NEDD4: variants seen among roughly 807,000 people sequenced by gnomAD.
The protein encoded by NEDD4 is NEDD4 E3 ubiquitin protein ligase.
Under a neutral mutation model 144.9 loss-of-function variants are expected in NEDD4, and 99 were observed. That is an observed-to-expected ratio of 0.68 (90% CI 0.58 to 0.81). NEDD4 has a LOEUF of 0.81. Among genes scored for constraint, NEDD4 ranks in the 30% least tolerant of loss-of-function variants. The pLI is 0.00. For synonymous variants in NEDD4, 318 were observed against 350.6 expected (o/e 0.91, Z 1.04); for missense variants, 985 against 1,065.9 (o/e 0.92, Z 1.06).
At chr15:55,888,184 G>A (rs1157787640) in intron 5 of NEDD4, among the ~76,000 whole-genome samples, 1 of 152,148 alleles carries the variant, frequency 6.6e-6, no homozygotes, top group African/African-American at 2.4e-5. Flanking sequence ...TGGAAAGGAA[G>A]AAGTCACATT....
At chr15:55,919,673 C>T (rs1402853391) in intron 5 of NEDD4, among the ~76,000 whole-genome samples, 1 of 152,142 alleles carries the variant, frequency 6.6e-6, no homozygotes, top group African/African-American at 2.4e-5. Flanking sequence ...TGGAAAGAAT[C>T]CATGCAAGTC....
intron 5 of NEDD4, chr15:55,915,811 T>C (rs1402710682): frequency 6.2e-7 from 1 of 1,613,812 alleles, no homozygotes; most frequent in Non-Finnish European, 8.5e-7. Context: ...AGCGGCCGTA[T>C]GTCTCTTACT....
At chr15:55,845,195 AT>A (rs1443927713) in intron 18 of NEDD4, among the ~76,000 whole-genome samples, 2 of 151,994 alleles carry the variant, frequency 1.3e-5, no homozygotes, top group Non-Finnish European at 2.9e-5. Flanking sequence ...TTATATGTTT[AT>A]CCCCTTACAT....
intron 9 of NEDD4, 45 bp downstream of exon 9, chr15:55,862,864 GTAGT>G (rs749967991): frequency 5.4e-6 from 8 of 1,485,092 alleles, no homozygotes; most frequent in African/African-American, 2.8e-5. Flanking sequence ...ATGAAAATTC[GTAGT>G]TAAAGTGTTT....
chr15:55,842,406 T>A (rs1392995914), intron 18 of NEDD4, among the ~76,000 whole-genome samples: 1 of 152,152 alleles, frequency 6.6e-6, no homozygotes, highest in Non-Finnish European at 1.5e-5. Context: ...GAAGCTTTTG[T>A]TTTTGGAGAC....
chr15:55,973,484 A>C (rs2037646565), intron 1 of NEDD4, among the ~76,000 whole-genome samples: 1 of 152,200 alleles, frequency 6.6e-6, no homozygotes, highest in Non-Finnish European at 1.5e-5. Context: ...GGCTGCAAGG[A>C]GCCATGACTG....
At chr15:55,939,736 A>AT (rs1185473036) in intron 4 of NEDD4, among the ~76,000 whole-genome samples, 1 of 152,170 alleles carries the variant, frequency 6.6e-6, no homozygotes, top group African/African-American at 2.4e-5. Flanking sequence ...ATCCCTGCAC[A>AT]TGTTGGTAGC....
In NEDD4 at chr15:55,850,693, G is replaced by A. The variant is rs1339329642; in HGVS notation, c.1196C>T (p.Pro399Leu). 6 of 1,614,026 alleles carry A rather than the reference G, an allele frequency of 3.7e-6. No individual in the cohort carries two copies. The highest frequency in any genetic ancestry group is 3.4e-6 in the Non-Finnish European group (4 of 1,180,012). The change falls in exon 14 of 29, where the codon CCT becomes CTT. Residue 399 changes from proline (P) to leucine (L), a missense_variant. By Grantham distance (98) the Pro-to-Leu change is moderately conservative. Transcript: ENST00000435532. ...QLTSSQSSAG[P>L]QSQASTSDSG... is the part of the protein sequence containing the mutation. The stretch of plus-strand genomic sequence containing the variant: ...ATCACTGGTGGAGGCTTGTGATTGA[G>A]GGCCTGCAGAACTCTGGCTTGAGGT...
intron 15 of NEDD4, 53 bp from the exon 16 acceptor site, chr15:55,848,628 G>T (rs997389072): frequency 4.0e-6 from 6 of 1,497,092 alleles, no homozygotes; most frequent in African/African-American, 1.4e-5. Flanking sequence ...TAGATGAATG[G>T]ATAGAAAAAT....
chr15:55,979,154 T>A (rs924933225), intron 1 of NEDD4, among the ~76,000 whole-genome samples: 2 of 151,754 alleles, frequency 1.3e-5, no homozygotes, highest in African/African-American at 4.8e-5. Context: ...AAATCCTATA[T>A]CATCTAGGCA....
At chr15:55,983,209 A>G (rs2037831907) in intron 1 of NEDD4, among the ~76,000 whole-genome samples, 3 of 152,246 alleles carry the variant, frequency 2.0e-5, no homozygotes, top group South Asian at 2.1e-4. Context: ...AAATAAAGAA[A>G]TAACTAGCAA....
chr15:55,983,999 CCT>C (rs1359274741), intron 1 of NEDD4, among the ~76,000 whole-genome samples: 1 of 152,050 alleles, frequency 6.6e-6, no homozygotes, highest in Admixed American at 6.6e-5. Flanking sequence ...TTTCTCTCTC[CCT>C]CTTGGCTATA....
intron 5 of NEDD4, among the ~76,000 whole-genome samples, chr15:55,876,920 G>T (rs1453785170): frequency 6.7e-6 from 1 of 149,574 alleles, no homozygotes; most frequent in Non-Finnish European, 1.5e-5. Context: ...ACGCAGGATG[G>T]TCTCAAACTC....
intron 5 of NEDD4, among the ~76,000 whole-genome samples, chr15:55,889,379 T>C (rs1215082709): frequency 6.6e-6 from 1 of 152,018 alleles, no homozygotes; most frequent in Non-Finnish European, 1.5e-5. Flanking sequence ...CACAATGGAG[T>C]ACTATCCAGC....
chr15:55,931,833 G>C (rs1451922189), intron 4 of NEDD4, among the ~76,000 whole-genome samples: 1 of 152,148 alleles, frequency 6.6e-6, no homozygotes, highest in Non-Finnish European at 1.5e-5. Flanking sequence ...TTCAGAGAAT[G>C]TGCAACCATC....
intron 24 of NEDD4, among the ~76,000 whole-genome samples, 159 bp from the exon 25 acceptor site, chr15:55,834,445 T>C (rs910119712): frequency 6.6e-6 from 1 of 152,074 alleles, no homozygotes; most frequent in African/African-American, 2.4e-5. Flanking sequence ...GGCCAGAAAA[T>C]GTACATGTGC....
chr15:55,927,371 T>G (rs1227050225), intron 4 of NEDD4, among the ~76,000 whole-genome samples: 1 of 151,912 alleles, frequency 6.6e-6, no homozygotes, highest in Non-Finnish European at 1.5e-5. Context: ...AATGCAGTGG[T>G]GCGATCACAG....
intron 5 of NEDD4, among the ~76,000 whole-genome samples, chr15:55,885,559 A>ATC (rs2035355764): frequency 6.6e-6 from 1 of 152,152 alleles, no homozygotes; most frequent in Admixed American, 6.5e-5. Flanking sequence ...GGACAAAGTT[A>ATC]GAGTTTTTAT....
intron 1 of NEDD4, among the ~76,000 whole-genome samples, chr15:55,972,627 A>C (rs1445024421): frequency 6.6e-6 from 1 of 152,202 alleles, no homozygotes; most frequent in African/African-American, 2.4e-5. Flanking sequence ...AAAATGGCAG[A>C]AGTCCTTACT....
Sources: gnomAD v4.1 joint callset for allele counts (sites outside exome capture counted in the v4.1 genomes callset) on GRCh38, gnomAD v4.1.1 for gene constraint, MANE v1.5 for transcripts, NCBI Gene and HGNC (gene_info 2026-07-23, HGNC 2026-07-21) for gene names.